The following ALK variants were observed in gnomAD, a reference collection of about 807,000 sequenced individuals.
The protein encoded by ALK is ALK tyrosine kinase receptor.
Under a neutral mutation model 163.1 loss-of-function variants are expected in ALK, and 74 were observed. The observed-to-expected ratio is 0.45, with a 90% CI of 0.38 to 0.55. The LOEUF is 0.55. ALK is among the 20% of genes least tolerant of loss of function. The pLI is 0.00. For synonymous variants in ALK, 960 were observed against 843.2 expected (o/e 1.14, Z -2.40); for missense variants, 2,063 against 2,105.3 (o/e 0.98, Z 0.39).
At chr2:29,824,805 TTTGAG>T (rs1257315310) in intron 1 of ALK, among the ~76,000 whole-genome samples, 2 of 152,122 alleles carry the variant, frequency 1.3e-5, no homozygotes, top group Non-Finnish European at 2.9e-5. Flanking sequence ...ACTGTGGACT[TTTGAG>T]TTAATGCTGA....
At chr2:29,347,770 A>C (rs1337733965) in intron 5 of ALK, among the ~76,000 whole-genome samples, 1 of 152,200 alleles carries the variant, frequency 6.6e-6, no homozygotes, top group African/African-American at 2.4e-5. Flanking sequence ...TTTCCATCTG[A>C]AGAAAGTGCC....
At chr2:29,800,763 G>A (rs1664445625) in intron 1 of ALK, among the ~76,000 whole-genome samples, 1 of 152,142 alleles carries the variant, frequency 6.6e-6, no homozygotes, top group Non-Finnish European at 1.5e-5. Flanking sequence ...CAACCACCAA[G>A]GTAAAACAGG....
chr2:29,720,891 G>C lies in ALK; in HGVS notation c.668-3194C>G, dbSNP rs114533274. Among the ~76,000 whole-genome samples the C allele has an allele frequency of 3.4e-3, 521 of 152,202 alleles. 5 individuals carry two copies. The highest frequency in any genetic ancestry group is 0.012 in the African/African-American group (505 of 41,528). On this transcript the variant is annotated intron_variant, in intron 1 of 28. Transcript: ENST00000389048. ...AAAATATGAGGATCCAGAGTGAAAT[G>C]GGCCTCATCAATGCAGATATATGGG...
intron 1 of ALK, among the ~76,000 whole-genome samples, chr2:29,817,206 C>G (rs1664921640): frequency 1.4e-5 from 2 of 143,090 alleles, no homozygotes; most frequent in Non-Finnish European, 3.0e-5. Context: ...GTGTGTCACA[C>G]TAAGCGGTGG....
chr2:29,422,917 T>G (rs1404944841), intron 4 of ALK, among the ~76,000 whole-genome samples: 3 of 151,988 alleles, frequency 2.0e-5, no homozygotes, highest in Non-Finnish European at 2.9e-5. Context: ...TGATATGTTT[T>G]TTTTTTTTTT....
At chr2:29,623,100 C>T (rs1676080922) in intron 3 of ALK, among the ~76,000 whole-genome samples, 2 of 152,172 alleles carry the variant, frequency 1.3e-5, no homozygotes, top group Non-Finnish European at 2.9e-5. Flanking sequence ...AAGCACACAT[C>T]TACTTTGTGG....
intron 1 of ALK, among the ~76,000 whole-genome samples, chr2:29,726,759 G>A (rs1357007114): frequency 6.6e-6 from 1 of 152,180 alleles, no homozygotes; most frequent in Non-Finnish European, 1.5e-5. Flanking sequence ...ATGACTTAGG[G>A]CTCCCTGATG....
At position 29,318,518 on chromosome 2, in the gene ALK, A is replaced by C. The variant is rs1483388757; in HGVS notation, c.1547-114T>G. ...ATCTAGCCTAGGGATATCTTTGAGGAAACAGGTTTCTGGCCTGCAATGGAG... is the reference window on the plus strand; with the variant it reads ...ATCTAGCCTAGGGATATCTTTGAGGCAACAGGTTTCTGGCCTGCAATGGAG... On this transcript the variant is annotated intron_variant, in intron 7 of 28. Coordinates refer to ENST00000389048, the MANE Select transcript of ALK (RefSeq NM_004304.5). 1.7e-5 allele frequency: 13 copies of C among 780,600 alleles called. No homozygotes were observed. In the East Asian group the frequency reaches 3.3e-4, roughly 20 times the overall value. The allele number at this position is 780,600 out of a possible 1,614,324, so 48.4% of individuals were successfully genotyped here.
chr2:29,228,232 G>A (rs1664072153), intron 16 of ALK, among the ~76,000 whole-genome samples: 1 of 152,150 alleles, frequency 6.6e-6, no homozygotes, highest in East Asian at 1.9e-4. Context: ...TACACACAGC[G>A]TCAATGCAAA....
chr2:29,599,157 A>G (rs569875115), intron 3 of ALK, among the ~76,000 whole-genome samples: 1 of 152,040 alleles, frequency 6.6e-6, no homozygotes, highest in Admixed American at 6.5e-5. Context: ...CAAACCTGAC[A>G]ATAAAATTCA....
At chr2:29,331,700 G>A (rs1667444012) in intron 5 of ALK, among the ~76,000 whole-genome samples, 1 of 152,126 alleles carries the variant, frequency 6.6e-6, no homozygotes. Flanking sequence ...ACGGGGCTGT[G>A]TCCCAGGAGT....
chr2:29,393,015 T>A (rs77520491), intron 4 of ALK, among the ~76,000 whole-genome samples: 1 of 2,270 alleles, frequency 4.4e-4, no homozygotes, highest in South Asian at 0.017. Flanking sequence ...TCACTGAGTG[T>A]TCAAGGTCAC....
intron 4 of ALK, among the ~76,000 whole-genome samples, chr2:29,493,876 C>A (rs1157305766): frequency 6.6e-6 from 1 of 152,224 alleles, no homozygotes; most frequent in African/African-American, 2.4e-5. Context: ...AAGGCCAGGA[C>A]TGTCAGGATG....
chr2:29,877,607 A>T (rs895210901), intron 1 of ALK, among the ~76,000 whole-genome samples: 6 of 152,312 alleles, frequency 3.9e-5, no homozygotes, highest in Admixed American at 6.5e-5. Context: ...TGGGTAAGTC[A>T]GTTCATTGTT....
chr2:29,197,587 G>C lies in ALK; in HGVS notation c.4028C>G (p.Thr1343Ser), dbSNP rs753763148. ...KSNQEVLEFV[T>S]SGGRMDPPKN... Reference sequence around the variant, plus strand: ...GGGTGGGTCCATCCGGCCTCCACTGGTGACAAACTCCAGAACTTCCTGGTT... The same window carrying C: ...GGGTGGGTCCATCCGGCCTCCACTGCTGACAAACTCCAGAACTTCCTGGTT... The change falls in exon 27 of 29, where the codon ACC becomes AGC. Residue 1343 changes from threonine (T) to serine (S), a missense_variant. Transcript: ENST00000389048. The C allele has an allele frequency of 6.2e-7, 1 of 1,613,764 alleles. No individual in the cohort carries two copies. The highest frequency in any genetic ancestry group is 8.5e-7 in the Non-Finnish European group (1 of 1,180,032).
intron 1 of ALK, among the ~76,000 whole-genome samples, chr2:29,859,720 G>A (rs1016452078): frequency 6.6e-6 from 1 of 152,182 alleles, no homozygotes; most frequent in Non-Finnish European, 1.5e-5. Context: ...GCGTGAACAG[G>A]AAACCCAGAG....
intron 3 of ALK, among the ~76,000 whole-genome samples, chr2:29,616,715 C>A (rs1347642491): frequency 6.6e-6 from 1 of 152,112 alleles, no homozygotes; most frequent in Non-Finnish European, 1.5e-5. Context: ...ACAACCCAGA[C>A]CACTACAACT....
intron 1 of ALK, among the ~76,000 whole-genome samples, chr2:29,796,380 A>G (rs909650618): frequency 2.6e-5 from 4 of 152,220 alleles, no homozygotes; most frequent in African/African-American, 9.6e-5. Context: ...ATAAGCCAAT[A>G]TTAAAAGACC....
chr2:29,222,512 C>T lies in ALK; in HGVS notation c.3450+5G>A, dbSNP rs374926751. On this transcript the variant is annotated splice_donor_5th_base_variant and intron_variant, in intron 21 of 28. Coordinates refer to ENST00000389048, the MANE Select transcript of ALK (RefSeq NM_004304.5). ...GGGCAGGCTCAAGAGTGAGCCACTT[C>T]TTACCTTCACAGCCACTTGCAGGGG... The T allele has an allele frequency of 6.2e-7, 1 of 1,614,050 alleles. No individual in the cohort carries two copies. The highest frequency in any genetic ancestry group is 1.3e-5 in the African/African-American group (1 of 74,902).
Sources: allele counts gnomAD v4.1 joint callset (sites outside exome capture counted in the v4.1 genomes callset), GRCh38; gene constraint gnomAD v4.1.1; transcripts MANE v1.5; gene names NCBI Gene and HGNC (gene_info 2026-07-23, HGNC 2026-07-21).